The following AAK1 variants were observed in gnomAD, a reference collection of about 807,000 sequenced individuals.
The protein encoded by AAK1 is AP2 associated kinase 1, also known as AP2-associated protein kinase 1.
A neutral mutation model predicts 116.0 loss-of-function variants in AAK1; 37 were observed. The ratio of observed to expected loss-of-function variants is 0.32; its 90% CI spans 0.25 to 0.42. The LOEUF is 0.42. Ranked by LOEUF, AAK1 falls within the 10% of genes least tolerant of loss-of-function variation. The pLI, the probability that AAK1 is intolerant of heterozygous loss-of-function variation, is 1.00. For synonymous variants in AAK1, 458 were observed against 439.9 expected (o/e 1.04, Z -0.51); for missense variants, 919 against 1,170.6 (o/e 0.79, Z 3.14).
In AAK1 at chr2:69,536,811, T is replaced by C. The variant is rs551414568; in HGVS notation, c.535-4649A>G. 1.5e-4 allele frequency among the ~76,000 whole-genome samples: 23 copies of C among 152,336 alleles called. 1 individual carries two copies. The South Asian group carries it at 4.6e-3, about 30-fold the overall frequency. ...TAGGCATTTCAGTCAGAGAATGTAT[T>C]GCCACTGCAAAATTTGAAGGATTAG... On this transcript the variant is annotated intron_variant, in intron 5 of 21. Coordinates refer to ENST00000409085, the MANE Select transcript of AAK1 (RefSeq NM_014911.5).
chr2:69,536,755 A>C (rs1054665869), intron 5 of AAK1, among the ~76,000 whole-genome samples: 2 of 152,198 alleles, frequency 1.3e-5, no homozygotes, highest in African/African-American at 4.8e-5. Flanking sequence ...TGACCTCTTC[A>C]TCTCAATATT....
At chr2:69,498,714 G>A (rs111577000) in intron 16 of AAK1, among the ~76,000 whole-genome samples, 13 of 152,324 alleles carry the variant, frequency 8.5e-5, no homozygotes, top group African/African-American at 3.1e-4. Flanking sequence ...ATGGACCGGC[G>A]ACATTTCCAG....
chr2:69,614,136 A>T (rs1049995809), intron 2 of AAK1, among the ~76,000 whole-genome samples: 18 of 152,260 alleles, frequency 1.2e-4, no homozygotes, highest in African/African-American at 4.3e-4. Context: ...CAGGTGAGTC[A>T]GCTCAGAAGA....
rs1252767018 is a variant in AAK1 at position 69,471,754 on chromosome 2, T to A, written c.*4115A>T. On this transcript the variant is annotated 3_prime_UTR_variant, in exon 22 of 22. Coordinates refer to ENST00000409085, the MANE Select transcript of AAK1 (RefSeq NM_014911.5). ...TTAGCTGAGTGCAGATCCCTCCACA[T>A]CATAGGCTGTCAGCCCCAAAGATCC... 4.0e-5 allele frequency: 39 copies of A among 985,446 alleles called. No homozygotes were observed. The highest frequency in any genetic ancestry group is 4.7e-5 in the Non-Finnish European group (39 of 829,942). The allele number at this position is 985,446 out of a possible 1,614,324, so 61.0% of individuals were successfully genotyped here. A position where few individuals can be genotyped will look rare whatever the true frequency, so the allele number is the denominator to read the frequency against.
At position 69,471,774 on chromosome 2, in the gene AAK1, A is replaced by T; in HGVS notation, c.*4095T>A. 1 of 985,490 alleles carries T rather than the reference A, an allele frequency of 1.0e-6. No individual in the cohort carries two copies. The highest frequency in any genetic ancestry group is 1.2e-6 in the Non-Finnish European group (1 of 829,958). 61.0% of individuals were successfully genotyped at this position (985,490 alleles called of 1,614,324 possible). ...CCACATCATAGGCTGTCAGCCCCAAAGATCCCTTCATTCCCACAGCACTGC... is the reference window on the plus strand; with the variant it reads ...CCACATCATAGGCTGTCAGCCCCAATGATCCCTTCATTCCCACAGCACTGC... On this transcript the variant is annotated 3_prime_UTR_variant, in exon 22 of 22. Coordinates refer to ENST00000409085, the MANE Select transcript of AAK1 (RefSeq NM_014911.5).
In AAK1 at chr2:69,466,936, A is replaced by G. The variant is rs530116806; in HGVS notation, c.*8933T>C. The G allele has an allele frequency of 4.1e-6, 4 of 985,442 alleles. No homozygotes were observed. In the South Asian group the frequency reaches 1.9e-4, roughly 46 times the overall value. The allele number at this position is 985,442 out of a possible 1,614,324, so 61.0% of individuals were successfully genotyped here. On this transcript the variant is annotated 3_prime_UTR_variant, in exon 22 of 22. Coordinates refer to ENST00000409085, the MANE Select transcript of AAK1 (RefSeq NM_014911.5). ...TCCACATATACCATGACAGTTTTGG[A>G]TTATGTAGAAACACTGTCTGGGGAT...
intron 2 of AAK1, among the ~76,000 whole-genome samples, chr2:69,564,020 T>C (rs1023927831): frequency 6.6e-6 from 1 of 151,928 alleles, no homozygotes; most frequent in African/African-American, 2.4e-5. Flanking sequence ...GGTGAAACCC[T>C]GTCTCTACTA....
rs1020196764 is a variant in AAK1, at chr2:69,473,742, A to G, written c.*2127T>C. 3.1e-6 allele frequency: 3 copies of G among 973,548 alleles called. No individual in the cohort carries two copies. Among genetic ancestry groups the G allele is most frequent in the Non-Finnish European group, 3.7e-6 (3 of 818,728 alleles). 60.3% of individuals were successfully genotyped at this position (973,548 alleles called of 1,614,324 possible). On this transcript the variant is annotated 3_prime_UTR_variant, in exon 22 of 22. Transcript: ENST00000409085. ...ATTTCTAACATGTATATACGAAAAA[A>G]ATCAAATATGAAAACATAGAACTCA... is the stretch of plus-strand genomic sequence containing the variant.
chr2:69,480,443 A>C (rs1363068587), intron 19 of AAK1, among the ~76,000 whole-genome samples: 1 of 152,160 alleles, frequency 6.6e-6, no homozygotes, highest in African/African-American at 2.4e-5. Context: ...TGGGAACGGA[A>C]CATCAATATA....
intron 2 of AAK1, among the ~76,000 whole-genome samples, chr2:69,624,586 A>G (rs752164336): frequency 4.6e-5 from 7 of 152,238 alleles, no homozygotes; most frequent in African/African-American, 7.2e-5. Context: ...TCATTCCACT[A>G]TCATAATAGA....
At chr2:69,613,323 T>G (rs1441544071) in intron 2 of AAK1, among the ~76,000 whole-genome samples, 1 of 152,002 alleles carries the variant, frequency 6.6e-6, no homozygotes, top group Non-Finnish European at 1.5e-5. Flanking sequence ...ATTTCCTGAG[T>G]GGTAGGGGTG....
chr2:69,618,256 T>C (rs150839190), intron 2 of AAK1, among the ~76,000 whole-genome samples: 1 of 151,768 alleles, frequency 6.6e-6, no homozygotes, highest in African/African-American at 2.4e-5. Flanking sequence ...AAATATATAA[T>C]ATTCAATATA....
At chr2:69,599,379 TAA>T (rs34685588) in intron 2 of AAK1, among the ~76,000 whole-genome samples, 4 of 103,530 alleles carry the variant, frequency 3.9e-5, no homozygotes, top group Admixed American at 2.1e-4. Context: ...TAGTTCTGTG[TAA>T]AAAAAAAAAA....
chr2:69,562,767 G>A (rs570829962), intron 2 of AAK1, among the ~76,000 whole-genome samples: 5 of 152,340 alleles, frequency 3.3e-5, no homozygotes, highest in East Asian at 1.9e-4. Flanking sequence ...GTGTGCGCCT[G>A]TAGTCCCAGC....
At chr2:69,504,227 T>C (rs1419076623) in intron 16 of AAK1, among the ~76,000 whole-genome samples, 1 of 149,904 alleles carries the variant, frequency 6.7e-6, no homozygotes, top group African/African-American at 2.5e-5. Flanking sequence ...TGAAACTCCA[T>C]CTCTACTAAA....
intron 2 of AAK1, among the ~76,000 whole-genome samples, chr2:69,601,094 AC>A: frequency 6.6e-6 from 1 of 152,350 alleles, no homozygotes; most frequent in South Asian, 2.1e-4. Flanking sequence ...TGTAAACATA[AC>A]TTTTATATGC....
chr2:69,543,273 T>C (rs545370456), intron 4 of AAK1, among the ~76,000 whole-genome samples: 2 of 152,248 alleles, frequency 1.3e-5, no homozygotes, highest in East Asian at 3.9e-4. Context: ...AAAAAGGAAA[T>C]GAGCAGGAGG....
intron 8 of AAK1, among the ~76,000 whole-genome samples, chr2:69,528,024 C>A (rs1670093168): frequency 6.6e-6 from 1 of 152,190 alleles, no homozygotes; most frequent in African/African-American, 2.4e-5. Flanking sequence ...AGTGAGGGTG[C>A]AGCCTTGTGA....
chr2:69,545,454 T>C (rs1175766599), intron 3 of AAK1, among the ~76,000 whole-genome samples: 1 of 152,236 alleles, frequency 6.6e-6, no homozygotes, highest in Non-Finnish European at 1.5e-5. Context: ...AATTGTCTGA[T>C]TTTTGTTTCA....
Sources: allele counts gnomAD v4.1 joint callset (sites outside exome capture counted in the v4.1 genomes callset), GRCh38; gene constraint gnomAD v4.1.1; transcripts MANE v1.5; gene names NCBI Gene and HGNC (gene_info 2026-07-23, HGNC 2026-07-21).